AGPS: variants seen among roughly 807,000 people sequenced by gnomAD.
AGPS encodes alkylglycerone phosphate synthase, also known as alkyldihydroxyacetonephosphate synthase, peroxisomal.
In AGPS, 26 loss-of-function variants were observed where a neutral mutation model predicts 90.7. The ratio of observed to expected loss-of-function variants is 0.29; its 90% CI spans 0.21 to 0.40. The LOEUF is 0.40. Among genes scored for constraint, AGPS ranks in the 10% least tolerant of loss-of-function variants. AGPS has a pLI of 1.00. For synonymous variants in AGPS, 294 were observed against 285.3 expected (o/e 1.03, Z -0.31); for missense variants, 540 against 816.1 (o/e 0.66, Z 4.12).
At chr2:177,445,997 C>T (rs1686757930) in intron 8 of AGPS, among the ~76,000 whole-genome samples, 1 of 152,016 alleles carries the variant, frequency 6.6e-6, no homozygotes, top group Admixed American at 6.5e-5. Context: ...TCACATAGAA[C>T]CTGGCATTTT....
Position 177,407,437 on chromosome 2 carries a change from T to G in AGPS, c.261-12832T>G, listed in dbSNP as rs12623076. Among the ~76,000 whole-genome samples the G allele has an allele frequency of 2.8e-3, 420 of 152,272 alleles. 13 individuals are homozygous for G. In the East Asian group the frequency reaches 0.066, roughly 24 times the overall value. On this transcript the variant is annotated intron_variant, in intron 1 of 19. Coordinates refer to ENST00000264167, the MANE Select transcript of AGPS (RefSeq NM_003659.4). Reference sequence around the variant, plus strand: ...TCTGGCATCAGCTTCTGGGAAGACCTCAGGAAGCTTACAATCATGGCAGAA... The same window carrying G: ...TCTGGCATCAGCTTCTGGGAAGACCGCAGGAAGCTTACAATCATGGCAGAA...
At chr2:177,405,336 A>G (rs756811333) in intron 1 of AGPS, among the ~76,000 whole-genome samples, 1 of 152,246 alleles carries the variant, frequency 6.6e-6, no homozygotes, top group Non-Finnish European at 1.5e-5. Flanking sequence ...AGGCAGCTAA[A>G]TGAGCTGAAC....
rs150794354 is a variant in AGPS, at chr2:177,463,758, G to A, written c.996+1740G>A. ...AGAAAATTTGATCCTTTTGCTATTGGATTATTAAGGACTTTATCAGAGTTA... is the reference window on the plus strand; with the variant it reads ...AGAAAATTTGATCCTTTTGCTATTGAATTATTAAGGACTTTATCAGAGTTA... On this transcript the variant is annotated intron_variant, in intron 9 of 19. Transcript: ENST00000264167. Among the ~76,000 whole-genome samples the A allele has an allele frequency of 1.6e-3, 245 of 152,040 alleles. 2 individuals are homozygous for A. Among genetic ancestry groups the A allele is most frequent in the Middle Eastern group, 0.01 (3 of 294 alleles).
Position 177,516,674 on chromosome 2 carries a change from G to C in AGPS, c.1697+2766G>C, listed in dbSNP as rs543059441. Among the ~76,000 whole-genome samples, 4 of 152,194 alleles carry C rather than the reference G, an allele frequency of 2.6e-5. No homozygotes were observed. The East Asian group carries it at 7.7e-4, about 29-fold the overall frequency. ...TGAAAACTGAACTGTGTAATACATA[G>C]ATGCTGGATTTGTTTGAAAGATGAT... On this transcript the variant is annotated intron_variant, in intron 17 of 19. Coordinates refer to ENST00000264167, the MANE Select transcript of AGPS (RefSeq NM_003659.4).
At chr2:177,420,692 A>G (rs1685918578) in intron 2 of AGPS, among the ~76,000 whole-genome samples, 1 of 151,790 alleles carries the variant, frequency 6.6e-6, no homozygotes, top group Non-Finnish European at 1.5e-5. Flanking sequence ...TGTCTCACAA[A>G]CATCTTTTAT....
At chr2:177,458,376 A>G (rs973919883) in intron 8 of AGPS, among the ~76,000 whole-genome samples, 8 of 152,198 alleles carry the variant, frequency 5.3e-5, no homozygotes, top group African/African-American at 1.2e-4. Flanking sequence ...AGCGTATTCA[A>G]ATAGGAAGAG....
intron 1 of AGPS, among the ~76,000 whole-genome samples, chr2:177,410,211 G>A (rs1019956582): frequency 6.6e-6 from 1 of 152,110 alleles, no homozygotes; most frequent in Non-Finnish European, 1.5e-5. Flanking sequence ...CTAATGGAGG[G>A]TCCTGCCTTG....
Position 177,464,078 on chromosome 2 carries a change from A to G in AGPS, c.996+2060A>G, listed in dbSNP as rs905322117. Among the ~76,000 whole-genome samples the G allele has an allele frequency of 5.9e-5, 9 of 152,068 alleles. No homozygotes were observed. The South Asian group carries it at 8.3e-4, about 14-fold the overall frequency. On this transcript the variant is annotated intron_variant, in intron 9 of 19. Transcript: ENST00000264167. The stretch of plus-strand genomic sequence containing the variant: ...TGCCTCAGCCTCCAGAGTAGCTCAG[A>G]TTACAGGCATGCACCACCATGCCCA...
At chr2:177,460,322 A>C (rs1418992629) in intron 8 of AGPS, among the ~76,000 whole-genome samples, 1 of 152,198 alleles carries the variant, frequency 6.6e-6, no homozygotes, top group Non-Finnish European at 1.5e-5. Flanking sequence ...AATGATAAAA[A>C]AAAATGCAAG....
intron 11 of AGPS, among the ~76,000 whole-genome samples, chr2:177,482,731 T>C (rs1277250692): frequency 6.6e-6 from 1 of 152,126 alleles, no homozygotes; most frequent in Non-Finnish European, 1.5e-5. Flanking sequence ...GAATATACTA[T>C]GTGTAATAAG....
chr2:177,392,937 C>T lies in AGPS; in HGVS notation c.148C>T (p.Arg50Trp), dbSNP rs778087162. The T allele has an allele frequency of 1.9e-4, 296 of 1,549,984 alleles. No individual in the cohort carries two copies. Among genetic ancestry groups the T allele is most frequent in the Admixed American group, 8.0e-4 (41 of 50,976 alleles). Residue 50 changes from arginine to tryptophan, a missense_variant, in exon 1 of 20, where the codon CGG becomes TGG. This residue lies in a region of AGPS where 135 missense variants were observed against 124.0 expected (regional missense o/e 1.09). Transcript: ENST00000264167. ...CTCTGGCCATCTGCTGGGCCGGCCC[C>T]GGGAGGCTCTGAGTACCAATGAGTG... ...VLSGHLLGRP[R>W]EALSTNECKA... is the part of the protein sequence containing the mutation.
chr2:177,480,069 C>T (rs1401436935), intron 10 of AGPS, among the ~76,000 whole-genome samples: 2 of 152,108 alleles, frequency 1.3e-5, no homozygotes, highest in East Asian at 3.9e-4. Flanking sequence ...AATCCAGCTA[C>T]TCAGGAGGCT....
chr2:177,427,085 G>A (rs1180479847), intron 2 of AGPS, among the ~76,000 whole-genome samples: 1 of 152,116 alleles, frequency 6.6e-6, no homozygotes, highest in Non-Finnish European at 1.5e-5. Flanking sequence ...GTTCAATCTT[G>A]GGAGGGTGTA....
chr2:177,462,076 A>G (rs1232165048), intron 9 of AGPS, 58 bp downstream of exon 9: 3 of 1,404,090 alleles, frequency 2.1e-6, no homozygotes, highest in Non-Finnish European at 2.9e-6. Context: ...ATTATTATAA[A>G]ATGATTAGAA....
intron 10 of AGPS, among the ~76,000 whole-genome samples, chr2:177,476,585 C>A (rs771276190): frequency 1.1e-4 from 17 of 152,064 alleles, no homozygotes; most frequent in Admixed American, 3.3e-4. Context: ...ACCTCGCTAG[C>A]ATGTAGTCTG....
intron 11 of AGPS, among the ~76,000 whole-genome samples, chr2:177,487,872 A>G (rs1688141009): frequency 6.6e-6 from 1 of 152,208 alleles, no homozygotes; most frequent in Non-Finnish European, 1.5e-5. Context: ...CTATAAAGTT[A>G]TAATTAGGAG....
chr2:177,458,772 G>A (rs1687197138), intron 8 of AGPS, among the ~76,000 whole-genome samples: 1 of 152,202 alleles, frequency 6.6e-6, no homozygotes, highest in Admixed American at 6.5e-5. Context: ...TAGATGCAAT[G>A]CTATTCCCAT....
At chr2:177,489,413 A>T (rs1339299150) in intron 11 of AGPS, among the ~76,000 whole-genome samples, 1 of 152,164 alleles carries the variant, frequency 6.6e-6, no homozygotes, top group Non-Finnish European at 1.5e-5. Context: ...AAATGATAGG[A>T]TTGAGAAATA....
chr2:177,473,733 A>G (rs1488859015), intron 10 of AGPS, among the ~76,000 whole-genome samples: 3 of 152,238 alleles, frequency 2.0e-5, no homozygotes, highest in Admixed American at 2.0e-4. Flanking sequence ...TGATTAGCTG[A>G]GTTTGAACTT....
Sources: gnomAD v4.1 joint callset for allele counts (sites outside exome capture counted in the v4.1 genomes callset) on GRCh38, gnomAD v4.1.1 for gene constraint, gnomAD v4.1.1 regional missense constraint, MANE v1.5 for transcripts, NCBI Gene and HGNC (gene_info 2026-07-23, HGNC 2026-07-21) for gene names.